Variants in TRIO observed in about 807,000 individuals in gnomAD.
The protein encoded by TRIO is trio Rho guanine nucleotide exchange factor, also known as triple functional domain protein.
Under a neutral mutation model 351.9 loss-of-function variants are expected in TRIO, and 58 were observed. The observed-to-expected ratio is 0.16, with a 90% CI of 0.13 to 0.21. TRIO has a LOEUF of 0.21. Ranked by LOEUF, TRIO falls within the 10% of genes least tolerant of loss-of-function variation. TRIO has a pLI of 1.00. For missense variants in TRIO, 3,201 were observed against 4,027.8 expected (o/e 0.79, Z 5.56); for synonymous variants, 1,758 against 1,595.7 (o/e 1.10, Z -2.42).
chr5:14,322,700 G>A (rs1019001669), intron 9 of TRIO, among the ~76,000 whole-genome samples: 7 of 152,208 alleles, frequency 4.6e-5, no homozygotes, highest in African/African-American at 1.7e-4. Context: ...ATTGAGTCAG[G>A]AGGGAGTTTT....
intron 1 of TRIO, among the ~76,000 whole-genome samples, chr5:14,202,342 A>T (rs967463241): frequency 1.8e-5 from 1 of 55,646 alleles, no homozygotes; most frequent in Non-Finnish European, 3.3e-5. Flanking sequence ...CTCATCAGCT[A>T]TCGTTAGTAT....
chr5:14,431,857 C>T (rs2152397912), intron 34 of TRIO, among the ~76,000 whole-genome samples: 1 of 152,344 alleles, frequency 6.6e-6, no homozygotes, highest in East Asian at 1.9e-4. Flanking sequence ...TGGCCACCCT[C>T]TTGCTGATTC....
At chr5:14,448,175 G>T (rs1351878884) in intron 34 of TRIO, among the ~76,000 whole-genome samples, 1 of 152,178 alleles carries the variant, frequency 6.6e-6, no homozygotes, top group African/African-American at 2.4e-5. Context: ...CGAATCTTGG[G>T]TAATTTTGTG....
chr5:14,177,099 G>A (rs1211720879), intron 1 of TRIO, among the ~76,000 whole-genome samples: 1 of 152,144 alleles, frequency 6.6e-6, no homozygotes, highest in Non-Finnish European at 1.5e-5. Flanking sequence ...AGGTTTGAGC[G>A]CCCAGGGCAC....
At position 14,461,023 on chromosome 5, in the gene TRIO, G is replaced by A. The variant is rs759122157; in HGVS notation, c.5208G>A (p.Ser1736=). ...CCCTCTCTTTCTCCCTGGCAGACTC[G>A]CTCTCCGTCTCCAGCAATGACGCCA... ...EMEGIFNHKD[S]LSVSSNDASP... is the part of the protein sequence containing the mutation. Residue 1736 remains serine (S), a synonymous_variant, in exon 35 of 57, where the codon TCG becomes TCA. Transcript: ENST00000344204. 3.2e-6 allele frequency: 5 copies of A among 1,565,276 alleles called. No individual in the cohort carries two copies. The highest frequency in any genetic ancestry group is 4.7e-5 in the East Asian group (2 of 42,608).
intron 3 of TRIO, among the ~76,000 whole-genome samples, chr5:14,281,664 T>C (rs2607077): frequency 0.23 from 35,147 of 151,986 alleles, 4,447 homozygotes; most frequent in African/African-American, 0.31. Context: ...GGGGTGCCTA[T>C]CTATGAGGAA....
chr5:14,168,528 T>C (rs1445575119), intron 1 of TRIO, among the ~76,000 whole-genome samples: 1 of 152,218 alleles, frequency 6.6e-6, no homozygotes, highest in Admixed American at 6.5e-5. Flanking sequence ...TTCAGGAGGA[T>C]TGATGTGCAA....
intron 26 of TRIO, chr5:14,390,535 G>T (rs1421398997): frequency 5.3e-6 from 3 of 563,382 alleles, no homozygotes; most frequent in East Asian, 6.0e-5. Flanking sequence ...CCAGGTCTCC[G>T]CTTGACCCTG....
Position 14,485,299 on chromosome 5 carries a change from T to A in TRIO, c.6835+53T>A. On this transcript the variant is annotated intron_variant, in intron 47 of 56. Coordinates refer to ENST00000344204, the MANE Select transcript of TRIO (RefSeq NM_007118.4). ...TGCTTTCTTTCCTCGTGTACTCACTTGTATTTATCTTCCCTCTCCCATTCA... is the reference window on the plus strand; with the variant it reads ...TGCTTTCTTTCCTCGTGTACTCACTAGTATTTATCTTCCCTCTCCCATTCA... 3.3e-6 allele frequency: 5 copies of A among 1,492,758 alleles called. No individual in the cohort carries two copies. In the South Asian group the frequency reaches 7.0e-5, roughly 21 times the overall value. 92.5% of individuals were successfully genotyped at this position (1,492,758 alleles called of 1,614,324 possible).
At chr5:14,212,014 C>G (rs1791939407) in intron 1 of TRIO, among the ~76,000 whole-genome samples, 1 of 151,718 alleles carries the variant, frequency 6.6e-6, no homozygotes, top group Non-Finnish European at 1.5e-5. Context: ...TGGCATGCAC[C>G]TGTGGTCCCA....
intron 54 of TRIO, among the ~76,000 whole-genome samples, 184 bp from the exon 55 acceptor site, chr5:14,504,209 C>T (rs553818682): frequency 2.0e-5 from 3 of 152,204 alleles, no homozygotes; most frequent in Non-Finnish European, 2.9e-5. Flanking sequence ...CGCGTGGCTG[C>T]GGGGACAAGG....
chr5:14,342,894 A>G (rs551049432), intron 11 of TRIO, among the ~76,000 whole-genome samples: 1 of 152,324 alleles, frequency 6.6e-6, no homozygotes, highest in Admixed American at 6.5e-5. Context: ...TTGTAAGTCC[A>G]TATGCTCCTC....
rs1464093300 is a variant in TRIO, at chr5:14,487,819, G to A, written c.7191G>A (p.Ala2397=). 4.8e-6 allele frequency: 7 copies of A among 1,467,718 alleles called. No individual in the cohort carries two copies. Among genetic ancestry groups the A allele is most frequent in the African/African-American group, 4.5e-5 (3 of 66,798 alleles). The allele number at this position is 1,467,718 out of a possible 1,614,324, so 90.9% of individuals were successfully genotyped here. ...CGCCCAGCAGGCGGCCCCCCGGCGC[G>A]GACGCCGAGGGGTCCGAGCGAGAAG... ...PSAPSRRPPG[A]DAEGSEREAE... Residue 2397 remains alanine (A), a synonymous_variant, in exon 48 of 57, where the codon GCG becomes GCA. Transcript: ENST00000344204.
chr5:14,196,671 G>T (rs1790792053), intron 1 of TRIO, among the ~76,000 whole-genome samples: 1 of 152,148 alleles, frequency 6.6e-6, no homozygotes, highest in African/African-American at 2.4e-5. Flanking sequence ...AGACAGATGA[G>T]GCACCTGGTG....
chr5:14,234,729 A>G (rs754909998), intron 1 of TRIO, among the ~76,000 whole-genome samples: 2 of 152,250 alleles, frequency 1.3e-5, no homozygotes, highest in Non-Finnish European at 2.9e-5. Flanking sequence ...CACAGAAGCA[A>G]ATATGTCAAT....
chr5:14,252,884 C>A (rs1315540876), intron 1 of TRIO, among the ~76,000 whole-genome samples: 1 of 151,970 alleles, frequency 6.6e-6, no homozygotes, highest in East Asian at 1.9e-4. Context: ...GGGGAGCTGA[C>A]CCCAGGGCAC....
chr5:14,273,015 G>T (rs1311650380), intron 2 of TRIO, among the ~76,000 whole-genome samples: 1 of 152,044 alleles, frequency 6.6e-6, no homozygotes, highest in African/African-American at 2.4e-5. Context: ...GGATTTTAGT[G>T]TATCACCAGG....
rs527429947 is a variant in TRIO at position 14,239,301 on chromosome 5, G to A, written c.158-31524G>A. ...CCCCATTCTTAGTTCTTATGTAAGC[G>A]TTCTTGAAAATGTAGTTATTCTTCC... On this transcript the variant is annotated intron_variant, in intron 1 of 56. Coordinates refer to ENST00000344204, the MANE Select transcript of TRIO (RefSeq NM_007118.4). Among the ~76,000 whole-genome samples, 8 of 152,046 alleles carry A rather than the reference G, an allele frequency of 5.3e-5. No homozygotes were observed. The South Asian group carries it at 1.5e-3, about 28-fold the overall frequency.
chr5:14,268,834 A>C (rs164860), intron 1 of TRIO, among the ~76,000 whole-genome samples: 67,785 of 152,086 alleles, frequency 0.45, 17,287 homozygotes, highest in East Asian at 0.59. Flanking sequence ...CAGTTGCCCC[A>C]GTGCCATCTG....
Sources: allele counts gnomAD v4.1 joint callset (sites outside exome capture counted in the v4.1 genomes callset), GRCh38; gene constraint gnomAD v4.1.1; transcripts MANE v1.5; gene names NCBI Gene and HGNC (gene_info 2026-07-23, HGNC 2026-07-21).